Variants in PTPRD observed in about 807,000 individuals in gnomAD.
The protein encoded by PTPRD is receptor-type tyrosine-protein phosphatase delta.
In PTPRD, 34 loss-of-function variants were observed where a neutral mutation model predicts 214.5. The ratio of observed to expected loss-of-function variants is 0.16; its 90% CI spans 0.12 to 0.21. PTPRD has a LOEUF of 0.21. PTPRD is among the 10% of genes least tolerant of loss of function. The probability of loss-of-function intolerance (pLI) is 1.00; values close to 1 mark genes in which losing one functional copy is unlikely to be tolerated. For synonymous variants in PTPRD, 1,128 were observed against 845.7 expected, an observed-to-expected ratio of 1.33 and a Z score of -5.79; for missense variants, 2,545 against 2,398.7, an observed-to-expected ratio of 1.06 and a Z score of -1.27.
At chr9:8,855,669 A>G (rs937159163) in intron 11 of PTPRD, among the ~76,000 whole-genome samples, 1 of 152,214 alleles carries the variant, frequency 6.6e-6, no homozygotes, top group African/African-American at 2.4e-5. Flanking sequence ...ATTGAATGCC[A>G]CTTTTACAGG....
intron 5 of PTPRD, among the ~76,000 whole-genome samples, chr9:9,815,760 G>T (rs915378547): frequency 1.3e-5 from 2 of 152,058 alleles, no homozygotes; most frequent in Non-Finnish European, 2.9e-5. Context: ...TAGGGGATGG[G>T]GCATGAGAGT....
chr9:9,866,625 A>G (rs1055615113), intron 5 of PTPRD, among the ~76,000 whole-genome samples: 2 of 152,142 alleles, frequency 1.3e-5, no homozygotes, highest in African/African-American at 4.8e-5. Context: ...TAGAAGGAGA[A>G]TATGTTTTAA....
intron 10 of PTPRD, among the ~76,000 whole-genome samples, chr9:9,056,923 C>T (rs2099697294): frequency 6.6e-6 from 1 of 152,152 alleles, no homozygotes; most frequent in Non-Finnish European, 1.5e-5. Context: ...TAATATTTTT[C>T]AGAAAGTTCT....
chr9:9,326,253 T>G (rs2039845033), intron 9 of PTPRD, among the ~76,000 whole-genome samples: 1 of 152,070 alleles, frequency 6.6e-6, no homozygotes, highest in Non-Finnish European at 1.5e-5. Context: ...CTCAAATATC[T>G]CTTTGATGAC....
At chr9:8,789,115 C>A (rs1040214698) in intron 11 of PTPRD, among the ~76,000 whole-genome samples, 5 of 152,088 alleles carry the variant, frequency 3.3e-5, no homozygotes, top group Non-Finnish European at 7.4e-5. Context: ...AAGGATGACT[C>A]CAAAGGCATC....
At chr9:9,789,035 A>G (rs1010435297) in intron 5 of PTPRD, among the ~76,000 whole-genome samples, 1 of 152,216 alleles carries the variant, frequency 6.6e-6, no homozygotes, top group African/African-American at 2.4e-5. Context: ...AGCCTACCTG[A>G]CACATTATAC....
At chr9:9,951,216 G>GA (rs901791429) in intron 4 of PTPRD, among the ~76,000 whole-genome samples, 10 of 151,782 alleles carry the variant, frequency 6.6e-5, no homozygotes, top group East Asian at 1.9e-4. Flanking sequence ...AGCTTTGAGG[G>GA]AAAAAAAAGT....
At chr9:10,465,902 C>T (rs773928981) in intron 2 of PTPRD, among the ~76,000 whole-genome samples, 52 of 152,144 alleles carry the variant, frequency 3.4e-4, no homozygotes, top group Admixed American at 2.6e-4. Flanking sequence ...AACTGCTACA[C>T]AGTTCCAAAT....
At chr9:8,562,228 G>T (rs1331591021) in intron 14 of PTPRD, among the ~76,000 whole-genome samples, 1 of 151,846 alleles carries the variant, frequency 6.6e-6, no homozygotes. Flanking sequence ...AAAGTACTGA[G>T]GACTCATTAT....
intron 34 of PTPRD, among the ~76,000 whole-genome samples, chr9:8,444,088 CTA>C (rs2095640025): frequency 6.6e-6 from 1 of 152,094 alleles, no homozygotes; most frequent in African/African-American, 2.4e-5. Flanking sequence ...TAGGACCCTG[CTA>C]TCATATTTCC....
At chr9:10,152,862 G>A (rs1458981935) in intron 3 of PTPRD, among the ~76,000 whole-genome samples, 1 of 151,842 alleles carries the variant, frequency 6.6e-6, no homozygotes, top group Non-Finnish European at 1.5e-5. Flanking sequence ...TGACATTTGT[G>A]ACAGCATGGA....
intron 39 of PTPRD, among the ~76,000 whole-genome samples, chr9:8,371,745 T>C (rs377354257): frequency 1.9e-4 from 29 of 152,106 alleles, no homozygotes; most frequent in African/African-American, 6.3e-4. Flanking sequence ...GCAATACAAA[T>C]AGAAAATGCT....
At position 8,374,352 on chromosome 9, in the gene PTPRD, C is replaced by G. The variant is rs1588993962; in HGVS notation, c.4661+1584G>C. On this transcript the variant is annotated intron_variant, in intron 39 of 45. Transcript: ENST00000381196. ...TTGGCTCTTTGAGGCCTGCAAAGAA[C>G]TGTGAGCATACAGACTGATCAAACT... Among the ~76,000 whole-genome samples, 6 of 152,038 alleles carry G rather than the reference C, an allele frequency of 3.9e-5. No homozygotes were observed. In the East Asian group the frequency reaches 1.2e-3, roughly 29 times the overall value.
At chr9:10,148,188 T>C (rs1366310211) in intron 3 of PTPRD, among the ~76,000 whole-genome samples, 1 of 152,182 alleles carries the variant, frequency 6.6e-6, no homozygotes, top group Non-Finnish European at 1.5e-5. Context: ...CTGGTGTTCT[T>C]GCTTCTGTAC....
chr9:8,969,259 T>C (rs950664085), intron 11 of PTPRD, among the ~76,000 whole-genome samples: 1 of 152,044 alleles, frequency 6.6e-6, no homozygotes, highest in Non-Finnish European at 1.5e-5. Flanking sequence ...GGTGCCCTCA[T>C]CAAATTCCTG....
chr9:9,145,935 A>T (rs904357245), intron 10 of PTPRD, among the ~76,000 whole-genome samples: 1 of 152,240 alleles, frequency 6.6e-6, no homozygotes, highest in African/African-American at 2.4e-5. Flanking sequence ...CAGCCCAAGG[A>T]AAAACACTCT....
chr9:10,289,677 G>T (rs939676496), intron 3 of PTPRD, among the ~76,000 whole-genome samples: 1 of 152,088 alleles, frequency 6.6e-6, no homozygotes. Context: ...CAGCACTCTA[G>T]GACATTGTAA....
intron 12 of PTPRD, among the ~76,000 whole-genome samples, chr9:8,670,128 T>C (rs1038645385): frequency 7.9e-5 from 12 of 152,182 alleles, no homozygotes; most frequent in African/African-American, 2.4e-4. Context: ...TTTTCTTCTC[T>C]AACCCCTTGA....
chr9:9,017,050 A>G (rs1417992054), intron 11 of PTPRD, among the ~76,000 whole-genome samples: 1 of 152,094 alleles, frequency 6.6e-6, no homozygotes, highest in African/African-American at 2.4e-5. Flanking sequence ...TGTATTATAG[A>G]TAATGAATCA....
Sources: gnomAD v4.1 joint callset for allele counts (sites outside exome capture counted in the v4.1 genomes callset) on GRCh38, gnomAD v4.1.1 for gene constraint, MANE v1.5 for transcripts, NCBI Gene and HGNC (gene_info 2026-07-23, HGNC 2026-07-21) for gene names.